The following ZBTB5 variants were observed in gnomAD, a reference collection of about 807,000 sequenced individuals.
ZBTB5 encodes the protein zinc finger and BTB domain-containing protein 5.
Under a neutral mutation model 37.9 loss-of-function variants are expected in ZBTB5, and 15 were observed. The observed-to-expected ratio is 0.40, with a 90% CI of 0.26 to 0.61. The LOEUF (loss-of-function observed/expected upper bound fraction) is 0.61. Ranked by LOEUF, ZBTB5 falls within the 20% of genes least tolerant of loss-of-function variation. The probability of loss-of-function intolerance (pLI) is 0.47; values close to 1 mark genes in which losing one functional copy is unlikely to be tolerated. For missense variants in ZBTB5, 708 were observed against 856.8 expected (o/e 0.83, Z 2.17); for synonymous variants, 315 against 312.4 (o/e 1.01, Z -0.09).
At chr9:37,451,555 C>CAAAAAAAAAAAAAAAAAAAAAAAAAAAAA (rs67502719) in intron 1 of ZBTB5, among the ~76,000 whole-genome samples, 1 of 72,746 alleles carries the variant, frequency 1.4e-5, no homozygotes, top group African/African-American at 5.4e-5. Flanking sequence ...GAGACTATCT[C>CAAAAAAAAAAAAAAAAAAAAAAAAAAAAA]AAAAAAAAAA....
At chr9:37,447,932 A>C (rs900644338) in intron 1 of ZBTB5, among the ~76,000 whole-genome samples, 1 of 152,050 alleles carries the variant, frequency 6.6e-6, no homozygotes, top group Admixed American at 6.6e-5. Context: ...CAAGATGGGA[A>C]GATTACCTGA....
chr9:37,452,407 C>G (rs1824120334), intron 1 of ZBTB5, among the ~76,000 whole-genome samples: 1 of 151,974 alleles, frequency 6.6e-6, no homozygotes, highest in Non-Finnish European at 1.5e-5. Flanking sequence ...TCCCCAAAAC[C>G]CAGAAGTCAA....
chr9:37,452,025 C>A (rs564167886), intron 1 of ZBTB5, among the ~76,000 whole-genome samples: 29 of 152,292 alleles, frequency 1.9e-4, no homozygotes, highest in African/African-American at 7.0e-4. Flanking sequence ...TATTTAGAAT[C>A]CCAACCCCTC....
At chr9:37,451,495 T>C (rs1399634607) in intron 1 of ZBTB5, among the ~76,000 whole-genome samples, 2 of 139,688 alleles carry the variant, frequency 1.4e-5, no homozygotes, top group Admixed American at 7.6e-5. Flanking sequence ...GAGATGGAGA[T>C]TGCACTGAGC....
rs67502719 is a variant in ZBTB5 at position 37,451,555 on chromosome 9, C to CAAAAAAAAAAAAAAAA, written c.-4-9016_-4-9001dup. Among the ~76,000 whole-genome samples, 42 of 72,738 alleles carry CAAAAAAAAAAAAAAAA rather than the reference C, an allele frequency of 5.8e-4. 1 individual carries two copies. Among genetic ancestry groups the CAAAAAAAAAAAAAAAA allele is most frequent in the African/African-American group, 2.2e-3 (41 of 18,642 alleles). The allele number at this position is 72,738 out of a possible 152,430, so 47.7% of individuals were successfully genotyped here. On this transcript the variant is annotated intron_variant, in intron 1 of 1. Transcript: ENST00000307750. ...CCTGGGTGACAGAGTGAGACTATCTCAAAAAAAAAAAAAAAAAAAAAAGAC... is the reference window on the plus strand; with the variant it reads ...CCTGGGTGACAGAGTGAGACTATCTCAAAAAAAAAAAAAAAAAAAAAAAAAAAAAAAAAAAAAAGAC...
In ZBTB5 at chr9:37,440,517, G is replaced by C. The variant is rs769202485; in HGVS notation, c.*1C>G. 7.4e-6 allele frequency: 12 copies of C among 1,613,348 alleles called. No homozygotes were observed. The Middle Eastern group carries it at 1.2e-3, about 155-fold the overall frequency. The stretch of plus-strand genomic sequence containing the variant: ...CAGCGTTGTCTTGTAAGGACAAACA[G>C]CTAGAGCAAAGTGCTGGGAAGATTG... On this transcript the variant is annotated 3_prime_UTR_variant, in exon 2 of 2. Coordinates refer to ENST00000307750, the MANE Select transcript of ZBTB5 (RefSeq NM_014872.3).
intron 1 of ZBTB5, among the ~76,000 whole-genome samples, chr9:37,462,709 G>A (rs77096984): frequency 0.021 from 3,137 of 152,032 alleles, 107 homozygotes; most frequent in African/African-American, 0.069. Flanking sequence ...GATTACAGGC[G>A]CACGTCACCA....
intron 1 of ZBTB5, among the ~76,000 whole-genome samples, chr9:37,453,790 G>C (rs1824142628): frequency 6.6e-6 from 1 of 152,182 alleles, no homozygotes; most frequent in African/African-American, 2.4e-5. Context: ...TCTGCCAATG[G>C]AGTCTGCCTG....
At chr9:37,465,179 C>T (rs1328174257) in intron 1 of ZBTB5, 36 bp downstream of exon 1, 1 of 152,348 alleles carries the variant, frequency 6.6e-6, no homozygotes, top group African/African-American at 2.4e-5. Flanking sequence ...GTGAGCGCGC[C>T]CGCCATCACG....
In ZBTB5 at chr9:37,440,929, T is replaced by C. The variant is rs926852941; in HGVS notation, c.1623A>G (p.Lys541=). 6 of 1,614,036 alleles carry C rather than the reference T, an allele frequency of 3.7e-6. No homozygotes were observed. In the African/African-American group the frequency reaches 8.0e-5, roughly 22 times the overall value. ...TCCTGACGGAAGTTACAACTGGCAT[T>C]TTGGGAGCTATGCGGCGGTAGTAAG... The part of the protein sequence containing the change: ...NFPYYRRIAP[K]MPVVTSVRSS... The change falls in exon 2 of 2, where the codon AAA becomes AAG. Residue 541 remains lysine, a synonymous_variant. Transcript: ENST00000307750.
chr9:37,441,731 C>G lies in ZBTB5; in HGVS notation c.821G>C (p.Ser274Thr). 6.2e-7 allele frequency: 1 copy of G among 1,614,024 alleles called. No individual in the cohort carries two copies. Among genetic ancestry groups the G allele is most frequent in the Non-Finnish European group, 8.5e-7 (1 of 1,180,010 alleles). Residue 274 changes from serine to threonine, a missense_variant, in exon 2 of 2, where the codon AGC (serine) becomes ACC (threonine). Physicochemically the swap from Ser to Thr is moderately conservative, Grantham distance 58. Coordinates refer to ENST00000307750, the MANE Select transcript of ZBTB5 (RefSeq NM_014872.3). ...GTTGCCAGCACTGTTATCAGACTGG[C>G]TGGGCACCTGGGCATCTTCTTGAGT... Reference protein sequence around the residue: ...FGTQEDAQVPSQSDNSAGNMA... With the variant: ...FGTQEDAQVPTQSDNSAGNMA...
intron 1 of ZBTB5, among the ~76,000 whole-genome samples, chr9:37,450,846 C>T (rs541935426): frequency 6.7e-6 from 1 of 148,978 alleles, no homozygotes; most frequent in African/African-American, 2.5e-5. Context: ...GCCTGGGCAA[C>T]AGAGCAAAAC....
chr9:37,445,734 A>G (rs1823964600), intron 1 of ZBTB5, among the ~76,000 whole-genome samples: 1 of 152,092 alleles, frequency 6.6e-6, no homozygotes, highest in Non-Finnish European at 1.5e-5. Context: ...GGAGTGGGTA[A>G]TTGATGGGGA....
At position 37,439,995 on chromosome 9, in the gene ZBTB5, A is replaced by C. The variant is rs1365731256; in HGVS notation, c.*523T>G. ...CAAATCAGGTAAAAATAAAAAATAC[A>C]GTACTTTGAGGCCTAGGACTAGCTC... On this transcript the variant is annotated 3_prime_UTR_variant, in exon 2 of 2. Coordinates refer to ENST00000307750, the MANE Select transcript of ZBTB5 (RefSeq NM_014872.3). 3 of 158,234 alleles carry C rather than the reference A, an allele frequency of 1.9e-5. No individual in the cohort carries two copies. Among genetic ancestry groups the C allele is most frequent in the Non-Finnish European group, 2.8e-5 (2 of 71,358 alleles). 9.8% of individuals were successfully genotyped at this position (158,234 alleles called of 1,614,324 possible).
In ZBTB5 at chr9:37,440,852, G is replaced by A. The variant is rs560293836; in HGVS notation, c.1700C>T (p.Ala567Val). 2 of 1,614,214 alleles carry A rather than the reference G, an allele frequency of 1.2e-6. No individual in the cohort carries two copies. Among genetic ancestry groups the A allele is most frequent in the Admixed American group, 1.7e-5 (1 of 60,016 alleles). Residue 567 changes from alanine (A) to valine (V), a missense_variant, in exon 2 of 2, where the codon GCT becomes GTT. Transcript: ENST00000307750. ...ATGGCCATTTTCAAATGAGGACGTAGCTCCATTCATCATTAGCTGAGAACT... is the reference window on the plus strand; with the variant it reads ...ATGGCCATTTTCAAATGAGGACGTAACTCCATTCATCATTAGCTGAGAACT... ...STSSQLMMNG[A>V]TSSFENGHPS... is the part of the protein sequence containing the mutation.
chr9:37,449,694 CAAAAAAAAAA>C (rs60696023), intron 1 of ZBTB5, among the ~76,000 whole-genome samples: 2 of 50,088 alleles, frequency 4.0e-5, no homozygotes, highest in Non-Finnish European at 9.0e-5. Flanking sequence ...ATGAGACTCT[CAAAAAAAAAA>C]AAAAAAAAAA....
intron 1 of ZBTB5, among the ~76,000 whole-genome samples, chr9:37,463,834 C>G (rs950834364): frequency 1.2e-4 from 18 of 152,082 alleles, no homozygotes; most frequent in Admixed American, 8.5e-4. Flanking sequence ...CTCTAGTAAA[C>G]GAGTTGACTT....
Position 37,442,099 on chromosome 9 carries a change from T to C in ZBTB5, c.453A>G (p.Leu151=). 2 of 1,614,064 alleles carry C rather than the reference T, an allele frequency of 1.2e-6. No homozygotes were observed. The highest frequency in any genetic ancestry group is 1.7e-6 in the Non-Finnish European group (2 of 1,180,040). ...QRSFMLQQLG[L]SIVSSALNSS... ...AATTGAGGGCTGAGCTCACGATGCT[T>C]AGTCCCAGCTGCTGTAGCATAAAGG... Residue 151 remains leucine (L), a synonymous_variant, in exon 2 of 2, where the codon CTA becomes CTG. Coordinates refer to ENST00000307750, the MANE Select transcript of ZBTB5 (RefSeq NM_014872.3).
intron 1 of ZBTB5, among the ~76,000 whole-genome samples, chr9:37,455,002 G>A (rs888088438): frequency 2.0e-5 from 3 of 152,198 alleles, no homozygotes; most frequent in African/African-American, 7.2e-5. Context: ...CTGGGTAGAA[G>A]AAGGCAGTAC....
Sources: gnomAD v4.1 joint callset for allele counts (sites outside exome capture counted in the v4.1 genomes callset) on GRCh38, gnomAD v4.1.1 for gene constraint, MANE v1.5 for transcripts, NCBI Gene and HGNC (gene_info 2026-07-23, HGNC 2026-07-21) for gene names.